AGT: variants seen among roughly 807,000 people sequenced by gnomAD.
The protein encoded by AGT is alpha-1 antiproteinase, antitrypsin.
A neutral mutation model predicts 28.1 loss-of-function variants in AGT; 26 were observed. The observed-to-expected ratio is 0.92, with a 90% confidence interval of 0.68 to 1.28. The LOEUF is 1.28. Ranked by LOEUF, AGT falls within the 50% of genes most tolerant of loss-of-function variation. AGT has a pLI of 0.00. For synonymous variants in AGT, 259 were observed against 259.6 expected, an observed-to-expected ratio of 1.00 and a Z score of 0.02; for missense variants, 596 against 592.3, an observed-to-expected ratio of 1.01 and a Z score of -0.06.
intron 1 of AGT, among the ~76,000 whole-genome samples, chr1:230,725,794 G>A (rs1251171045): frequency 6.6e-6 from 1 of 152,144 alleles, no homozygotes; most frequent in Non-Finnish European, 1.5e-5. Flanking sequence ...GGATCCAAGA[G>A]GCCAGTCATG....
intron 1 of AGT, among the ~76,000 whole-genome samples, chr1:230,721,203 T>C (rs1396429561): frequency 1.3e-5 from 2 of 152,254 alleles, no homozygotes; most frequent in Non-Finnish European, 2.9e-5. Context: ...GCTTTCTCTG[T>C]CCTTTTATCA....
At chr1:230,724,660 C>CA (rs1167794597) in intron 1 of AGT, among the ~76,000 whole-genome samples, 2 of 151,926 alleles carry the variant, frequency 1.3e-5, no homozygotes, top group East Asian at 3.9e-4. Flanking sequence ...CCCATCTATA[C>CA]AAAAAATACA....
At chr1:230,703,447 G>T in intron 4 of AGT, 118 bp from the exon 5 acceptor site, 1 of 1,066,092 alleles carries the variant, frequency 9.4e-7, no homozygotes, top group Non-Finnish European at 1.4e-6. Context: ...CCTGGAGGGG[G>T]ACATTTTCCA....
upstream of AGT, among the ~76,000 whole-genome samples, chr1:230,715,032 G>T (rs1663701240): frequency 6.6e-6 from 1 of 152,064 alleles, no homozygotes; most frequent in Non-Finnish European, 1.5e-5. Flanking sequence ...TGAAGGGACA[G>T]GAAGGAAGAT....
At chr1:230,724,970 A>G (rs1025015406) in intron 1 of AGT, among the ~76,000 whole-genome samples, 2 of 152,206 alleles carry the variant, frequency 1.3e-5, no homozygotes, top group African/African-American at 4.8e-5. Context: ...ACAGTAGCAG[A>G]AGCTATACTC....
At chr1:230,719,396 T>A (rs910195619), upstream of AGT, among the ~76,000 whole-genome samples, 2 of 121,024 alleles carry the variant, frequency 1.7e-5, no homozygotes, top group African/African-American at 8.2e-5. Flanking sequence ...ATTATTATTA[T>A]TATCATTATG....
rs184187903 is a variant in AGT, at chr1:230,732,261, A to G, written c.-31+13254T>C. 4.5e-4 allele frequency among the ~76,000 whole-genome samples: 68 copies of G among 152,240 alleles called. 2 individuals carry two copies. Among genetic ancestry groups the G allele is most frequent in the African/African-American group, 1.6e-3 (65 of 41,538 alleles). Reference sequence around the variant, plus strand: ...AGCAATCATTCCACCATGGCCTCCCAAAGAGTTGGAATGATACGCATGAGC... The same window carrying G: ...AGCAATCATTCCACCATGGCCTCCCGAAGAGTTGGAATGATACGCATGAGC... On this transcript the variant is annotated intron_variant, in intron 1 of 4. Coordinates refer to the AGT transcript ENST00000681269.
rs1247118760 is a variant in AGT at position 230,710,691 on chromosome 1, G to T, written c.133C>A (p.Leu45Met). Reference sequence around the variant, plus strand: ...GGCTTCCCGGCATTGGCCTTTGCCAGCTGCTCACAGGTACTCTCATTGTGG... The same window carrying T: ...GGCTTCCCGGCATTGGCCTTTGCCATCTGCTCACAGGTACTCTCATTGTGG... ...VIHNESTCEQ[L>M]AKANAGKPKD... Residue 45 changes from leucine to methionine, a missense_variant, in exon 2 of 5, where the codon CTG becomes ATG. Leu to Met is a conservative substitution (Grantham distance 15, BLOSUM62 2). Transcript: ENST00000366667. 6.2e-7 allele frequency: 1 copy of T among 1,614,206 alleles called. No homozygotes were observed. Among genetic ancestry groups the T allele is most frequent in the Non-Finnish European group, 8.5e-7 (1 of 1,180,028 alleles).
intron 1 of AGT, among the ~76,000 whole-genome samples, chr1:230,730,136 T>G (rs13376410): frequency 0.31 from 46,683 of 151,692 alleles, 8,355 homozygotes; most frequent in East Asian, 0.66. Context: ...GGCCAGGCTG[T>G]TCTCAAACTC....
intron 2 of AGT, among the ~76,000 whole-genome samples, chr1:230,708,974 A>G (rs1663477807): frequency 1.3e-5 from 2 of 152,082 alleles, no homozygotes; most frequent in Non-Finnish European, 2.9e-5. Context: ...CCTTGCCCCA[A>G]ACTCTGCAGG....
intron 1 of AGT, among the ~76,000 whole-genome samples, chr1:230,720,745 C>T (rs1354537122): frequency 1.3e-5 from 2 of 152,192 alleles, no homozygotes; most frequent in Non-Finnish European, 2.9e-5. Flanking sequence ...TTTGCATACT[C>T]ATAAACCAAT....
intron 1 of AGT, among the ~76,000 whole-genome samples, chr1:230,726,439 C>T (rs990296500): frequency 6.6e-6 from 1 of 152,078 alleles, no homozygotes; most frequent in African/African-American, 2.4e-5. Context: ...TACCCCTTCA[C>T]CCATAGGTGT....
intron 1 of AGT, among the ~76,000 whole-genome samples, chr1:230,745,422 G>A (rs1664333478): frequency 6.6e-6 from 1 of 152,292 alleles, no homozygotes; most frequent in East Asian, 1.9e-4. Context: ...ATCACCCCAG[G>A]GAAAACTGGG....
intron 1 of AGT, among the ~76,000 whole-genome samples, chr1:230,730,387 T>A (rs925206539): frequency 1.3e-5 from 2 of 152,108 alleles, no homozygotes; most frequent in African/African-American, 4.8e-5. Flanking sequence ...ATACCCTATA[T>A]TTTAACCCCC....
At chr1:230,705,654 A>G (rs1479970161) in intron 3 of AGT, among the ~76,000 whole-genome samples, 1 of 152,268 alleles carries the variant, frequency 6.6e-6, no homozygotes, top group African/African-American at 2.4e-5. Flanking sequence ...CTCCCCCTCC[A>G]AAACTACCAG....
intron 1 of AGT, among the ~76,000 whole-genome samples, chr1:230,741,285 A>G (rs898083061): frequency 1.3e-5 from 2 of 152,314 alleles, no homozygotes; most frequent in East Asian, 1.9e-4. Context: ...GGAGGAAACT[A>G]TATTCCACAA....
At chr1:230,706,255 A>G in intron 2 of AGT, 55 bp from the exon 3 acceptor site, 2 of 1,592,102 alleles carry the variant, frequency 1.3e-6, no homozygotes, top group Non-Finnish European at 1.7e-6. Flanking sequence ...AGGGGCAGGA[A>G]TGAGGGCTGG....
chr1:230,704,322 G>T lies in AGT; in HGVS notation c.1113C>A (p.Thr371=). The T allele has an allele frequency of 1.2e-6, 2 of 1,614,178 alleles. No homozygotes were observed. Among genetic ancestry groups the T allele is most frequent in the Non-Finnish European group, 1.7e-6 (2 of 1,180,026 alleles). The change falls in exon 4 of 5, where the codon ACC becomes ACA. Residue 371 remains threonine (T), a synonymous_variant. Transcript: ENST00000366667. ...ATCCTTGCAGCACCAGTTGGGGCAT[G>T]GTCAGGTGGATGGTCCTGGGGAGAT... ...KKLSPRTIHL[T]MPQLVLQGSY...
At chr1:230,741,216 G>A (rs762844694) in intron 1 of AGT, among the ~76,000 whole-genome samples, 4 of 152,190 alleles carry the variant, frequency 2.6e-5, no homozygotes, top group Admixed American at 2.0e-4. Flanking sequence ...CAATTTCAAC[G>A]GTGTCACCTT....
Sources: gnomAD v4.1 joint callset for allele counts (sites outside exome capture counted in the v4.1 genomes callset) on GRCh38, gnomAD v4.1.1 for gene constraint, MANE v1.5 for transcripts, NCBI Gene and HGNC (gene_info 2026-07-23, HGNC 2026-07-21) for gene names.